The following NECTIN1 variants were observed in gnomAD, a reference collection of about 807,000 sequenced individuals.
The protein encoded by NECTIN1 is nectin cell adhesion molecule 1.
A neutral mutation model predicts 48.0 loss-of-function variants in NECTIN1; 23 were observed. That is an observed-to-expected ratio of 0.48 (90% CI 0.34 to 0.68). The LOEUF is 0.68. Among genes scored for constraint, NECTIN1 ranks in the 30% least tolerant of loss-of-function variants. NECTIN1 has a pLI of 0.01. For missense variants in NECTIN1, 591 were observed against 709.9 expected (o/e 0.83, Z 1.90); for synonymous variants, 270 against 288.9 (o/e 0.93, Z 0.66).
rs1371027519 is a variant in NECTIN1 at position 119,684,554 on chromosome 11, T to C, written c.80-5789A>G. On this transcript the variant is annotated intron_variant, in intron 1 of 5. Coordinates refer to ENST00000264025, the MANE Select transcript of NECTIN1 (RefSeq NM_002855.5). This position sits in a 1 kb window ranked among gnomAD's most constrained non-coding sequence, Gnocchi z 5.2. ...ACAGGATGTCCGGTGAGAAACCGGC[T>C]AAGTGGTAAGTGGGAGTGACTCACC... Among the ~76,000 whole-genome samples the C allele has an allele frequency of 6.6e-6, 1 of 151,784 alleles. No individual in the cohort carries two copies. Among genetic ancestry groups the C allele is most frequent in the Non-Finnish European group, 1.5e-5 (1 of 67,968 alleles).
At chr11:119,716,861 C>T (rs148727797) in intron 1 of NECTIN1, among the ~76,000 whole-genome samples, 160 of 152,302 alleles carry the variant, frequency 1.1e-3, no homozygotes, top group African/African-American at 3.7e-3. Flanking sequence ...CGCGCGCGCA[C>T]GCACGCACGC....
intron 1 of NECTIN1, among the ~76,000 whole-genome samples, chr11:119,682,045 G>T (rs1349365907): frequency 6.6e-6 from 1 of 152,100 alleles, no homozygotes; most frequent in African/African-American, 2.4e-5. Context: ...GATTGGAAAG[G>T]CCTAAAAACT....
intron 1 of NECTIN1, among the ~76,000 whole-genome samples, chr11:119,698,072 G>A (rs1865373232): frequency 6.6e-6 from 1 of 152,240 alleles, no homozygotes; most frequent in Non-Finnish European, 1.5e-5. Context: ...GGTAGCTGGG[G>A]ACCACACCTG....
rs528508686 is a variant in NECTIN1 at position 119,690,715 on chromosome 11, G to A, written c.80-11950C>T. On this transcript the variant is annotated intron_variant, in intron 1 of 5. Transcript: ENST00000264025. Reference sequence around the variant, plus strand: ...AACCCCACAGAGGGGAGACCAGCCCGTGCCCAGATGTTCAGGCTTATGTCT... The same window carrying A: ...AACCCCACAGAGGGGAGACCAGCCCATGCCCAGATGTTCAGGCTTATGTCT... Among the ~76,000 whole-genome samples, 10 of 152,294 alleles carry A rather than the reference G, an allele frequency of 6.6e-5. No individual in the cohort carries two copies. In the East Asian group the frequency reaches 1.2e-3, roughly 18 times the overall value.
At chr11:119,703,611 T>C (rs1273914276) in intron 1 of NECTIN1, among the ~76,000 whole-genome samples, 2 of 152,186 alleles carry the variant, frequency 1.3e-5, no homozygotes, top group Non-Finnish European at 2.9e-5. Context: ...AGGGAATGCC[T>C]GAGGTGACCC....
chr11:119,724,876 C>T (rs1865886590), intron 1 of NECTIN1, among the ~76,000 whole-genome samples: 1 of 152,194 alleles, frequency 6.6e-6, no homozygotes, highest in Non-Finnish European at 1.5e-5. Flanking sequence ...CCACAGCTGG[C>T]TCATGACCAT....
intron 1 of NECTIN1, chr11:119,713,773 C>A: frequency 2.2e-6 from 1 of 450,664 alleles, no homozygotes; most frequent in South Asian, 1.6e-5. Flanking sequence ...CTCCTCACCC[C>A]CCGCCCTCTG....
At chr11:119,703,119 T>G (rs1046644062) in intron 1 of NECTIN1, among the ~76,000 whole-genome samples, 5 of 152,176 alleles carry the variant, frequency 3.3e-5, no homozygotes, top group Non-Finnish European at 7.4e-5. Flanking sequence ...GGCCTGCACA[T>G]GGGAGGTGAT....
chr11:119,702,485 G>A (rs1865474456), intron 1 of NECTIN1, among the ~76,000 whole-genome samples: 1 of 152,230 alleles, frequency 6.6e-6, no homozygotes, highest in Admixed American at 6.5e-5. Context: ...CTCTGCTGCT[G>A]GGAAGAAGCA....
rs542167673 is a variant in NECTIN1, at chr11:119,655,869, G to T, written c.1004-15857C>A. On this transcript the variant is annotated intron_variant, in intron 5 of 7. Transcript: ENST00000341398. ...AAACCCCTGTCTTGGGGAAGGTTGG[G>T]CTTCACCACCTGAAAGGTCTCTTTT... 4.6e-5 allele frequency among the ~76,000 whole-genome samples: 7 copies of T among 152,218 alleles called. No homozygotes were observed. In the East Asian group the frequency reaches 1.4e-3, roughly 29 times the overall value.
chr11:119,643,278 A>G (rs1348880125), intron 5 of NECTIN1, among the ~76,000 whole-genome samples: 1 of 152,210 alleles, frequency 6.6e-6, no homozygotes, highest in Non-Finnish European at 1.5e-5. Flanking sequence ...AAGGAGGAGA[A>G]ATTGGCCTCA....
In NECTIN1 at chr11:119,663,511, C is replaced by T. The variant is rs975374658; in HGVS notation, c.*1236G>A. On this transcript the variant is annotated 3_prime_UTR_variant, in exon 6 of 6. Coordinates refer to ENST00000264025, the MANE Select transcript of NECTIN1 (RefSeq NM_002855.5). The stretch of plus-strand genomic sequence containing the variant: ...CACCCCCCTCACTTTCTGCCAGGCC[C>T]GAGGCTTTGACAATGGCCTTTGTGT... The T allele has an allele frequency of 1.4e-5, 14 of 985,396 alleles. No homozygotes were observed. Among genetic ancestry groups the T allele is most frequent in the South Asian group, 4.7e-5 (1 of 21,288 alleles). The allele number at this position is 985,396 out of a possible 1,614,324, so 61.0% of individuals were successfully genotyped here.
chr11:119,714,912 C>G (rs1242296178), intron 1 of NECTIN1, among the ~76,000 whole-genome samples: 1 of 152,110 alleles, frequency 6.6e-6, no homozygotes, highest in African/African-American at 2.4e-5. Flanking sequence ...TACTGGGGAT[C>G]TGAGGGGAGC....
chr11:119,678,321 G>A lies in NECTIN1; in HGVS notation c.430+94C>T. On this transcript the variant is annotated intron_variant, in intron 2 of 5. Transcript: ENST00000264025. This position sits in a 1 kb window ranked among gnomAD's most constrained non-coding sequence, Gnocchi z 4.4. ...ATGATGGCAGCATGCCCACCCAAGGGGGATGTCTGGGGTCATTGAGGCATC... is the reference window on the plus strand; with the variant it reads ...ATGATGGCAGCATGCCCACCCAAGGAGGATGTCTGGGGTCATTGAGGCATC... The A allele has an allele frequency of 8.6e-7, 1 of 1,166,304 alleles. No individual in the cohort carries two copies. Among genetic ancestry groups the A allele is most frequent in the South Asian group, 1.2e-5 (1 of 81,836 alleles). The allele number at this position is 1,166,304 out of a possible 1,614,324, so 72.2% of individuals were successfully genotyped here. A position where few individuals can be genotyped will look rare whatever the true frequency, so the allele number is the denominator to read the frequency against.
rs910469166 is a variant in NECTIN1, at chr11:119,661,751, G to A, written c.*2996C>T. ...TTGCAGCCCGGGCACTGGGAAATTC[G>A]TTTCTCCTTAATGGCTTTCAGCAGG... On this transcript the variant is annotated 3_prime_UTR_variant, in exon 6 of 6. Coordinates refer to ENST00000264025, the MANE Select transcript of NECTIN1 (RefSeq NM_002855.5). 2.7e-5 allele frequency: 27 copies of A among 985,562 alleles called. No individual in the cohort carries two copies. Among genetic ancestry groups the A allele is most frequent in the South Asian group, 4.7e-5 (1 of 21,288 alleles). The allele number at this position is 985,562 out of a possible 1,614,324, so 61.1% of individuals were successfully genotyped here.
chr11:119,701,012 G>A (rs1865442033), intron 1 of NECTIN1, among the ~76,000 whole-genome samples: 1 of 152,170 alleles, frequency 6.6e-6, no homozygotes, highest in South Asian at 2.1e-4. Flanking sequence ...CGTGAGTCAG[G>A]TCTCTGCAGT....
rs762896144 is a variant in NECTIN1 at position 119,661,927 on chromosome 11, C to T, written c.*2820G>A. On this transcript the variant is annotated 3_prime_UTR_variant, in exon 6 of 6. Coordinates refer to ENST00000264025, the MANE Select transcript of NECTIN1 (RefSeq NM_002855.5). ...GCACACGTACTGGGTCTGAGGTGGTCGCACTTGCAGGCCTGTGTTCACCTA... is the reference window on the plus strand; with the variant it reads ...GCACACGTACTGGGTCTGAGGTGGTTGCACTTGCAGGCCTGTGTTCACCTA... 30 of 985,224 alleles carry T rather than the reference C, an allele frequency of 3.0e-5. No individual in the cohort carries two copies. Among genetic ancestry groups the T allele is most frequent in the African/African-American group, 3.5e-5 (2 of 57,254 alleles). The allele number at this position is 985,224 out of a possible 1,614,324, so 61.0% of individuals were successfully genotyped here.
chr11:119,691,912 A>C (rs2135562873), intron 1 of NECTIN1, among the ~76,000 whole-genome samples: 1 of 152,182 alleles, frequency 6.6e-6, no homozygotes, highest in East Asian at 1.9e-4. Context: ...ATCACTTGGC[A>C]AAATGCTGAG....
intron 5 of NECTIN1, chr11:119,653,918 G>T (rs921070302): frequency 6.6e-6 from 1 of 152,184 alleles, no homozygotes; most frequent in Admixed American, 6.5e-5. Context: ...AAAATTCAGG[G>T]AAGGCAGGCA....
Sources: gnomAD v4.1 joint callset for allele counts (sites outside exome capture counted in the v4.1 genomes callset) on GRCh38, gnomAD v4.1.1 for gene constraint, Gnocchi (gnomAD v3.1) non-coding constraint, MANE v1.5 for transcripts, NCBI Gene and HGNC (gene_info 2026-07-23, HGNC 2026-07-21) for gene names.